Variants in PDZRN4 observed in about 807,000 individuals in gnomAD.
PDZRN4 encodes the protein PDZ domain-containing RING finger protein 4.
A neutral mutation model predicts 99.0 loss-of-function variants in PDZRN4; 70 were observed. The observed-to-expected ratio is 0.71, with a 90% CI of 0.58 to 0.86. PDZRN4 has a LOEUF of 0.86. Ranked by LOEUF, PDZRN4 falls within the 40% of genes least tolerant of loss-of-function variation. The probability of loss-of-function intolerance (pLI) is 0.00; values close to 1 mark genes in which losing one functional copy is unlikely to be tolerated. For missense variants in PDZRN4, 1,474 were observed against 1,331.2 expected (o/e 1.11, Z -1.67); for synonymous variants, 551 against 501.6 (o/e 1.10, Z -1.32).
At chr12:41,414,022 C>T (rs1316619918) in intron 3 of PDZRN4, among the ~76,000 whole-genome samples, 1 of 152,078 alleles carries the variant, frequency 6.6e-6, no homozygotes. Flanking sequence ...TAATAATTTC[C>T]CTTAATGATT....
At position 41,573,498 on chromosome 12, in the gene PDZRN4, C is replaced by A; in HGVS notation, c.2719C>A (p.Arg907=). The change falls in exon 10 of 10, where the codon CGA becomes AGA. Residue 907 remains arginine, a synonymous_variant. Transcript: ENST00000402685. ...GTRYITKRPV[R]DRILKERALK... is the part of the protein sequence containing the mutation. Reference sequence around the variant, plus strand: ...ACGGTACATCACAAAGAGACCCGTGCGAGACCGAATCCTGAAGGAACGTGC... The same window carrying A: ...ACGGTACATCACAAAGAGACCCGTGAGAGACCGAATCCTGAAGGAACGTGC... 1 of 1,613,848 alleles carries A rather than the reference C, an allele frequency of 6.2e-7. No individual in the cohort carries two copies. Among genetic ancestry groups the A allele is most frequent in the South Asian group, 1.1e-5 (1 of 91,082 alleles).
intron 3 of PDZRN4, chr12:41,409,430 G>A (rs1859712215): frequency 6.6e-6 from 1 of 152,106 alleles, no homozygotes; most frequent in Admixed American, 6.5e-5. Flanking sequence ...GGATTCATAG[G>A]GTGTTACAGG....
intron 5 of PDZRN4, among the ~76,000 whole-genome samples, chr12:41,551,312 T>C (rs1056444904): frequency 2.6e-5 from 4 of 152,116 alleles, no homozygotes; most frequent in African/African-American, 4.8e-5. Flanking sequence ...CAAAGTTGAT[T>C]ACCTTTGGTA....
chr12:41,421,735 A>C (rs1460956525), intron 3 of PDZRN4, among the ~76,000 whole-genome samples: 1 of 152,100 alleles, frequency 6.6e-6, no homozygotes, highest in Non-Finnish European at 1.5e-5. Flanking sequence ...TTGTTTCTTC[A>C]CTATTTCTTC....
chr12:41,212,801 T>C (rs1218076615), intron 3 of PDZRN4, among the ~76,000 whole-genome samples: 1 of 151,974 alleles, frequency 6.6e-6, no homozygotes, highest in African/African-American at 2.4e-5. Flanking sequence ...ATTTATAGCA[T>C]AACTAGAAAC....
Position 41,438,074 on chromosome 12 carries a change from GT to G in PDZRN4, c.844-68381del. 5 of 1,558,360 alleles carry G rather than the reference GT, an allele frequency of 3.2e-6. No homozygotes were observed. In the South Asian group the frequency reaches 5.6e-5, roughly 17 times the overall value. On this transcript the variant is annotated intron_variant, in intron 3 of 9. Transcript: ENST00000402685. ...AGGCTTTGTGTTTGTCTGAAAGACG[GT>G]AAATGAATTCTGGCTAGCTTTATTT...
At chr12:41,535,259 G>A (rs923914243) in intron 5 of PDZRN4, among the ~76,000 whole-genome samples, 2 of 152,058 alleles carry the variant, frequency 1.3e-5, no homozygotes, top group Non-Finnish European at 2.9e-5. Context: ...TGTGTATTTT[G>A]TGAAATTTGA....
intron 5 of PDZRN4, among the ~76,000 whole-genome samples, chr12:41,532,800 T>A (rs1938682817): frequency 6.6e-6 from 1 of 152,202 alleles, no homozygotes; most frequent in African/African-American, 2.4e-5. Flanking sequence ...AGAATTGTTG[T>A]GAGGACTAAA....
intron 3 of PDZRN4, among the ~76,000 whole-genome samples, chr12:41,321,246 C>A (rs35571132): frequency 0.016 from 2,365 of 152,172 alleles, 43 homozygotes; most frequent in Non-Finnish European, 0.022. Flanking sequence ...TCAATTAGGT[C>A]GGTCATGGGA....
chr12:41,405,051 C>T (rs1324329021), intron 3 of PDZRN4, among the ~76,000 whole-genome samples: 1 of 152,018 alleles, frequency 6.6e-6, no homozygotes, highest in Admixed American at 6.6e-5. Context: ...CAACATTGGA[C>T]TTGACAAATA....
rs781455156 is a variant in PDZRN4, at chr12:41,572,339, T to G, written c.1585-25T>G. The G allele has an allele frequency of 1.9e-6, 3 of 1,554,756 alleles. No individual in the cohort carries two copies. The African/African-American group carries it at 4.2e-5, about 22-fold the overall frequency. Reference sequence around the variant, plus strand: ...GTCTTCCAAAATCATTAATTTTCTTTGTTCTTTCAACATCATTTTCTTAGC... The same window carrying G: ...GTCTTCCAAAATCATTAATTTTCTTGGTTCTTTCAACATCATTTTCTTAGC... On this transcript the variant is annotated intron_variant, in intron 9 of 9. Transcript: ENST00000402685.
At chr12:41,199,979 T>TA (rs1159030789) in intron 3 of PDZRN4, among the ~76,000 whole-genome samples, 2 of 152,094 alleles carry the variant, frequency 1.3e-5, no homozygotes, top group African/African-American at 4.8e-5. Flanking sequence ...TGTATCCACA[T>TA]AAAAAAACTG....
chr12:41,400,296 CTAA>C (rs932894396), intron 3 of PDZRN4, among the ~76,000 whole-genome samples: 2 of 152,024 alleles, frequency 1.3e-5, no homozygotes, highest in African/African-American at 4.8e-5. Flanking sequence ...TTTGGATAGG[CTAA>C]TATCAGCAAA....
intron 8 of PDZRN4, 64 bp downstream of exon 8, chr12:41,563,713 A>AG: frequency 9.5e-7 from 1 of 1,053,468 alleles, no homozygotes; most frequent in Non-Finnish European, 1.5e-6. Context: ...CTGAATGTAA[A>AG]TTCGTGAATG....
chr12:41,469,518 G>C (rs1291197166), intron 3 of PDZRN4, among the ~76,000 whole-genome samples: 1 of 152,070 alleles, frequency 6.6e-6, no homozygotes, highest in Non-Finnish European at 1.5e-5. Context: ...AAGTTTTTGA[G>C]GTTTTCTTTT....
chr12:41,551,593 A>G (rs937673512), intron 5 of PDZRN4, among the ~76,000 whole-genome samples: 1 of 152,166 alleles, frequency 6.6e-6, no homozygotes, highest in Non-Finnish European at 1.5e-5. Flanking sequence ...ACACTGAAAT[A>G]TCCTGTTGTA....
At chr12:41,221,073 G>C (rs77340777) in intron 3 of PDZRN4, among the ~76,000 whole-genome samples, 1 of 152,260 alleles carries the variant, frequency 6.6e-6, no homozygotes, top group Non-Finnish European at 1.5e-5. Context: ...CATGCAATTG[G>C]CCTTGCTCTC....
intron 3 of PDZRN4, among the ~76,000 whole-genome samples, chr12:41,470,080 A>G (rs1565591356): frequency 6.6e-6 from 1 of 152,170 alleles, no homozygotes; most frequent in Admixed American, 6.5e-5. Flanking sequence ...GCATTCATTT[A>G]TTTTGACTAC....
chr12:41,545,493 C>G (rs1458529015), intron 5 of PDZRN4, among the ~76,000 whole-genome samples: 1 of 148,144 alleles, frequency 6.8e-6, no homozygotes, highest in African/African-American at 2.5e-5. Flanking sequence ...TGCCCCAGCC[C>G]ATATTGATGA....
Sources: gnomAD v4.1 joint callset for allele counts (sites outside exome capture counted in the v4.1 genomes callset) on GRCh38, gnomAD v4.1.1 for gene constraint, MANE v1.5 for transcripts, NCBI Gene and HGNC (gene_info 2026-07-23, HGNC 2026-07-21) for gene names.